Variants in CDH16 observed in about 807,000 individuals in gnomAD.
CDH16 encodes cadherin 16, also known as cadherin-16.
Under a neutral mutation model 87.6 loss-of-function variants are expected in CDH16, and 79 were observed. That is an observed-to-expected ratio of 0.90 (90% CI 0.75 to 1.09). CDH16 has a LOEUF of 1.09. Ranked by LOEUF, CDH16 falls within the 50% of genes least tolerant of loss-of-function variation. The pLI is 0.00. For missense variants in CDH16, 1,124 were observed against 1,071.7 expected (o/e 1.05, Z -0.68); for synonymous variants, 457 against 439.5 (o/e 1.04, Z -0.50).
Position 66,911,281 on chromosome 16 carries a change from A to G in CDH16, c.1825T>C (p.Cys609Arg), listed in dbSNP as rs764137312. ...ACCTCCCCGGAGAATTTCTCAATGC[A>G]GAGCCAGCCCTCTGAGTCATTGACT... ...SLVNDSEGWL[C>R]IEKFSGEVHT... The change falls in exon 14 of 18, where the codon TGC becomes CGC. Residue 609 changes from cysteine (C) to arginine (R), a missense_variant. By Grantham distance (180) the Cys-to-Arg change is radical. Coordinates refer to ENST00000299752, the MANE Select transcript of CDH16 (RefSeq NM_004062.4). 1.2e-6 allele frequency: 2 copies of G among 1,613,638 alleles called. No homozygotes were observed. The highest frequency in any genetic ancestry group is 1.7e-6 in the Non-Finnish European group (2 of 1,179,812).
intron 1 of CDH16, among the ~76,000 whole-genome samples, chr16:66,918,371 A>G (rs928258608): frequency 6.6e-6 from 1 of 152,200 alleles, no homozygotes; most frequent in African/African-American, 2.4e-5. Flanking sequence ...CGCAGATCCC[A>G]AAGTGGTAAT....
At chr16:66,908,601 A>G (rs1962265102) in intron 17 of CDH16, 112 bp from the exon 18 acceptor site, 1 of 849,350 alleles carries the variant, frequency 1.2e-6, no homozygotes, top group Non-Finnish European at 2.0e-6. Context: ...AGTTTCCTGG[A>G]CAGCATCCTG....
chr16:66,911,861 C>T, intron 13 of CDH16, 38 bp downstream of exon 13: 1 of 1,548,290 alleles, frequency 6.5e-7, no homozygotes, highest in South Asian at 1.2e-5. Context: ...GGAGCAGGGG[C>T]AATCCAGTCC....
Position 66,909,432 on chromosome 16 carries a change from A to G in CDH16, c.2276-49T>C, listed in dbSNP as rs373214502. On this transcript the variant is annotated intron_variant, in intron 16 of 17. Transcript: ENST00000299752. This position sits in a 1 kb window ranked among gnomAD's most constrained non-coding sequence, Gnocchi z 4.1. ...AAGGGGAGGGAGGGGAGGGCTCCCC[A>G]GCTGCTCAGAGCCCCCAGCCCAGCC... 61 of 1,211,724 alleles carry G rather than the reference A, an allele frequency of 5.0e-5. No homozygotes were observed. The African/African-American group carries it at 8.9e-4, about 18-fold the overall frequency. 75.1% of individuals were successfully genotyped at this position (1,211,724 alleles called of 1,614,324 possible).
At chr16:66,908,632 C>G (rs751796780) in intron 17 of CDH16, 143 bp from the exon 18 acceptor site, 2 of 706,292 alleles carry the variant, frequency 2.8e-6, no homozygotes, top group Non-Finnish European at 4.9e-6. Flanking sequence ...GGGTATGACT[C>G]TGTGGTGGTG....
At chr16:66,917,375 A>G (rs1434651273) in intron 3 of CDH16, among the ~76,000 whole-genome samples, 1 of 152,134 alleles carries the variant, frequency 6.6e-6, no homozygotes, top group Non-Finnish European at 1.5e-5. Flanking sequence ...TGAATTTCCT[A>G]TCTAGATTTG....
At position 66,909,227 on chromosome 16, in the gene CDH16, A is replaced by ATCGCCC; in HGVS notation, c.2392+34_2392+39dup. 7.8e-7 allele frequency: 1 copy of ATCGCCC among 1,280,292 alleles called. No individual in the cohort carries two copies. 79.3% of individuals were successfully genotyped at this position (1,280,292 alleles called of 1,614,324 possible). ...TTGGAGGCTGTGGTCCCAACCACCC[A>ATCGCCC]TCGCCCTCGCCCACGCAGGTAATGT... On this transcript the variant is annotated intron_variant, in intron 17 of 17. Coordinates refer to ENST00000299752, the MANE Select transcript of CDH16 (RefSeq NM_004062.4). This position sits in a 1 kb window ranked among gnomAD's most constrained non-coding sequence, Gnocchi z 4.1.
Position 66,912,386 on chromosome 16 carries a change from C to A in CDH16, c.1404G>T (p.Leu468=), listed in dbSNP as rs571045902. Residue 468 remains leucine (L), a synonymous_variant, in exon 12 of 18, where the codon CTG becomes CTT. Transcript: ENST00000299752. ...SLPEDVEPGT[L]VAMLTAIDAD... is the part of the protein sequence containing the mutation. ...CATCAATGGCTGTTAGCATGGCCAC[C>A]AGAGTCCCGGGCTCCACATCCTCAG... 4 of 1,614,128 alleles carry A rather than the reference C, an allele frequency of 2.5e-6. No individual in the cohort carries two copies. Among genetic ancestry groups the A allele is most frequent in the African/African-American group, 1.3e-5 (1 of 75,050 alleles).
Position 66,917,131 on chromosome 16 carries a change from CAAA to C in CDH16, c.129+508_129+510del, listed in dbSNP as rs57115386. Reference sequence around the variant, plus strand: ...CGAAACCCTGTCTCTACTAAAAATACAAAAAAAAAAAAAAAAAATTAGCCAGGA... The same window carrying C: ...CGAAACCCTGTCTCTACTAAAAATACAAAAAAAAAAAAAAATTAGCCAGGA... On this transcript the variant is annotated intron_variant, in intron 3 of 17. Transcript: ENST00000299752. 3.5e-3 allele frequency among the ~76,000 whole-genome samples: 376 copies of C among 108,260 alleles called. 2 individuals are homozygous for C. The highest frequency in any genetic ancestry group is 9.9e-3 in the African/African-American group (334 of 33,664). The allele number at this position is 108,260 out of a possible 152,430, so 71.0% of individuals were successfully genotyped here. A position where few individuals can be genotyped will look rare whatever the true frequency, so the allele number is the denominator to read the frequency against.
rs781062867 is a variant in CDH16, at chr16:66,913,610, G to T, written c.784C>A (p.His262Asn). ...TAGTGCACATCACCCCCACTCCAGTGTACCTGGGGGGGACACCCCGGGCCA... is the reference window on the plus strand; with the variant it reads ...TAGTGCACATCACCCCCACTCCAGTTTACCTGGGGGGGACACCCCGGGCCA... ...VLYPHHMAQVHWSGGDVHYHL... is the reference protein window; with the variant it reads ...VLYPHHMAQVNWSGGDVHYHL... Residue 262 changes from histidine to asparagine, a missense_variant, in exon 8 of 18, where the codon CAC (histidine) becomes AAC (asparagine). His to Asn is a moderately conservative substitution (Grantham distance 68). Transcript: ENST00000299752. The T allele has an allele frequency of 9.3e-6, 15 of 1,613,780 alleles. No homozygotes were observed. The highest frequency in any genetic ancestry group is 1.3e-5 in the Non-Finnish European group (15 of 1,179,910).
At chr16:66,912,469 T>A in intron 11 of CDH16, 35 bp downstream of exon 11, 3 of 1,614,144 alleles carry the variant, frequency 1.9e-6, no homozygotes, top group East Asian at 4.5e-5. Context: ...CCCACCAGCA[T>A]CCTTCCCAAG....
intron 9 of CDH16, 103 bp from the exon 10 acceptor site, chr16:66,912,994 GT>G: frequency 6.3e-6 from 4 of 639,608 alleles, no homozygotes; most frequent in African/African-American, 2.0e-5. Context: ...TTGAGCTCGT[GT>G]GTGTGTGTGT....
chr16:66,910,178 C>T (rs1567530378), intron 15 of CDH16, 82 bp downstream of exon 15: 6 of 1,555,810 alleles, frequency 3.9e-6, no homozygotes, highest in Non-Finnish European at 5.2e-6. Context: ...GCCCCACCCC[C>T]ATGGTAGAAG....
chr16:66,914,635 T>C (rs757603058), intron 6 of CDH16, among the ~76,000 whole-genome samples: 2 of 152,168 alleles, frequency 1.3e-5, no homozygotes, highest in Non-Finnish European at 2.9e-5. Flanking sequence ...GAATGCGTGA[T>C]AGACTAGAGA....
At chr16:66,915,431 C>T in intron 5 of CDH16, 53 bp from the exon 6 acceptor site, 1 of 1,557,090 alleles carries the variant, frequency 6.4e-7, no homozygotes, top group Non-Finnish European at 8.8e-7. Flanking sequence ...TGGGGAGAGT[C>T]TCCCATGCCT....
Position 66,911,223 on chromosome 16 carries a change from G to C in CDH16, c.1883C>G (p.Pro628Arg). 6.2e-7 allele frequency: 1 copy of C among 1,613,652 alleles called. No individual in the cohort carries two copies. The highest frequency in any genetic ancestry group is 8.5e-7 in the Non-Finnish European group (1 of 1,179,870). Residue 628 changes from proline to arginine, a missense_variant, in exon 14 of 18, where the codon CCT (proline) becomes CGT (arginine). By Grantham distance (103) the Pro-to-Arg change is moderately radical. Coordinates refer to ENST00000299752, the MANE Select transcript of CDH16 (RefSeq NM_004062.4). The stretch of plus-strand genomic sequence containing the variant: ...CACAAGCACCGTGTAGGTGTCCCCA[G>C]GCTGGGCGCCCTGCAGGGACTGGGC... ...HTAQSLQGAQ[P>R]GDTYTVLVEA...
In CDH16 at chr16:66,910,517, G is replaced by A; in HGVS notation, c.1925-15C>T. The A allele has an allele frequency of 6.7e-7, 1 of 1,493,238 alleles. No individual in the cohort carries two copies. The allele number at this position is 1,493,238 out of a possible 1,614,324, so 92.5% of individuals were successfully genotyped here. ...TCTCGGCTCATCTGCAGAGGAGGCAGTGCTGAGCTGGCCAGGTGTTGCCAG... is the reference window on the plus strand; with the variant it reads ...TCTCGGCTCATCTGCAGAGGAGGCAATGCTGAGCTGGCCAGGTGTTGCCAG... On this transcript the variant is annotated splice_polypyrimidine_tract_variant and intron_variant, in intron 14 of 17. Transcript: ENST00000299752.
At chr16:66,908,552 G>T in intron 17 of CDH16, 63 bp from the exon 18 acceptor site, 1 of 1,259,900 alleles carries the variant, frequency 7.9e-7, no homozygotes. Flanking sequence ...TTCATCACGA[G>T]GGACTTCCTG....
chr16:66,915,659 G>A (rs1303174963), intron 5 of CDH16, among the ~76,000 whole-genome samples: 1 of 152,204 alleles, frequency 6.6e-6, no homozygotes, highest in East Asian at 1.9e-4. Context: ...TTGGGAGGCT[G>A]AGGCAGGCAG....
Sources: allele counts gnomAD v4.1 joint callset (sites outside exome capture counted in the v4.1 genomes callset), GRCh38; gene constraint gnomAD v4.1.1; non-coding constraint Gnocchi (gnomAD v3.1); transcripts MANE v1.5; gene names NCBI Gene and HGNC (gene_info 2026-07-23, HGNC 2026-07-21).